CACNA2D1: variants seen among roughly 807,000 people sequenced by gnomAD.
CACNA2D1 encodes voltage-dependent calcium channel subunit alpha-2/delta-1.
In CACNA2D1, 53 loss-of-function variants were observed where a neutral mutation model predicts 171.5. That is an observed-to-expected ratio of 0.31 (90% CI 0.25 to 0.39). CACNA2D1 has a LOEUF of 0.39. Ranked by LOEUF, CACNA2D1 falls within the 10% of genes least tolerant of loss-of-function variation. CACNA2D1 has a pLI of 1.00. For missense variants in CACNA2D1, 903 were observed against 1,299.8 expected (o/e 0.69, Z 4.69); for synonymous variants, 442 against 443.1 (o/e 1.00, Z 0.03).
intron 3 of CACNA2D1, among the ~76,000 whole-genome samples, chr7:82,191,170 G>A (rs530348125): frequency 4.6e-4 from 70 of 151,736 alleles, no homozygotes; most frequent in African/African-American, 1.6e-3. Flanking sequence ...AGAGTTAAGG[G>A]ATCACAAAAT....
At chr7:82,088,022 C>A (rs969237854) in intron 6 of CACNA2D1, among the ~76,000 whole-genome samples, 1 of 152,098 alleles carries the variant, frequency 6.6e-6, no homozygotes, top group African/African-American at 2.4e-5. Flanking sequence ...TGCCCCTTAG[C>A]CCCTATCTCT....
At chr7:82,265,416 CTTTTTT>C (rs765047961) in intron 3 of CACNA2D1, among the ~76,000 whole-genome samples, 131 of 77,308 alleles carry the variant, frequency 1.7e-3, no homozygotes, top group African/African-American at 5.8e-3. Flanking sequence ...TTTTTCCTTT[CTTTTTT>C]TTTTTTTTTT....
intron 3 of CACNA2D1, among the ~76,000 whole-genome samples, chr7:82,210,278 T>C (rs2129223671): frequency 6.6e-6 from 1 of 152,310 alleles, no homozygotes; most frequent in South Asian, 2.1e-4. Context: ...TTATTTGAAG[T>C]ATGCCTCATT....
At chr7:82,315,865 CT>C (rs1437901849) in intron 3 of CACNA2D1, among the ~76,000 whole-genome samples, 1 of 152,020 alleles carries the variant, frequency 6.6e-6, no homozygotes, top group Non-Finnish European at 1.5e-5. Flanking sequence ...TAACTTGATA[CT>C]TTTTTCTTAA....
At chr7:82,176,755 C>T (rs546552845) in intron 3 of CACNA2D1, among the ~76,000 whole-genome samples, 6 of 151,546 alleles carry the variant, frequency 4.0e-5, no homozygotes, top group Admixed American at 6.6e-5. Context: ...TACTAAGGCT[C>T]GTTATATGCA....
chr7:82,278,786 T>C (rs1206422969), intron 3 of CACNA2D1, among the ~76,000 whole-genome samples: 2 of 152,058 alleles, frequency 1.3e-5, no homozygotes, highest in African/African-American at 4.8e-5. Context: ...TTTATTCGAA[T>C]AGAGGATCCA....
At chr7:81,998,146 A>G (rs1798238577) in intron 18 of CACNA2D1, among the ~76,000 whole-genome samples, 1 of 151,992 alleles carries the variant, frequency 6.6e-6, no homozygotes, top group Non-Finnish European at 1.5e-5. Context: ...TTCCTCTATA[A>G]CTTCCTAAGT....
intron 24 of CACNA2D1, among the ~76,000 whole-genome samples, chr7:81,981,939 C>A (rs556111944): frequency 6.6e-6 from 1 of 152,090 alleles, no homozygotes; most frequent in African/African-American, 2.4e-5. Flanking sequence ...TCATTCTACC[C>A]CTACGTGTAT....
chr7:81,986,469 A>G (rs1295907486), intron 21 of CACNA2D1, among the ~76,000 whole-genome samples: 1 of 152,096 alleles, frequency 6.6e-6, no homozygotes, highest in African/African-American at 2.4e-5. Context: ...ATATCCTAAC[A>G]TCATTATATA....
At chr7:81,995,395 C>A (rs1004775191) in intron 19 of CACNA2D1, among the ~76,000 whole-genome samples, 2 of 152,022 alleles carry the variant, frequency 1.3e-5, no homozygotes, top group African/African-American at 4.8e-5. Flanking sequence ...ATTCTTATAT[C>A]TGGGTACCAA....
At chr7:82,404,384 T>C (rs1402969794) in intron 1 of CACNA2D1, among the ~76,000 whole-genome samples, 3 of 152,150 alleles carry the variant, frequency 2.0e-5, no homozygotes, top group Admixed American at 1.3e-4. Context: ...AGATGAACCC[T>C]TTCTTTCCGA....
intron 4 of CACNA2D1, among the ~76,000 whole-genome samples, chr7:82,160,680 C>G (rs1794856107): frequency 6.6e-6 from 1 of 151,924 alleles, no homozygotes; most frequent in Admixed American, 6.6e-5. Context: ...CCTTACGTGG[C>G]CCAGGCTAAT....
chr7:82,443,350 G>C lies in CACNA2D1; in HGVS notation c.95+15C>G, dbSNP rs1248731716. On this transcript the variant is annotated intron_variant, in intron 1 of 38. Coordinates refer to ENST00000356860, the MANE Select transcript of CACNA2D1 (RefSeq NM_000722.4). ...GCCCCTCGGCCGGCGCTCCCTGCCC[G>C]GCCCGCCGACTTACGTGACGGCCGA... The C allele has an allele frequency of 1.9e-6, 3 of 1,587,480 alleles. No individual in the cohort carries two copies. The South Asian group carries it at 3.4e-5, about 18-fold the overall frequency.
At chr7:82,152,877 T>C (rs1487437762) in intron 4 of CACNA2D1, among the ~76,000 whole-genome samples, 1 of 151,960 alleles carries the variant, frequency 6.6e-6, no homozygotes, top group Admixed American at 6.6e-5. Flanking sequence ...CATTGTTCAT[T>C]TAATTTCTCA....
chr7:82,357,778 G>A (rs953694756), intron 1 of CACNA2D1, among the ~76,000 whole-genome samples: 2 of 151,258 alleles, frequency 1.3e-5, no homozygotes, highest in Non-Finnish European at 2.9e-5. Flanking sequence ...CAGTTAATGG[G>A]TGCAGCACAC....
At chr7:82,160,262 T>C (rs1794813577) in intron 4 of CACNA2D1, among the ~76,000 whole-genome samples, 1 of 151,952 alleles carries the variant, frequency 6.6e-6, no homozygotes, top group East Asian at 1.9e-4. Context: ...ATATTCTTAA[T>C]CATACAACAA....
Position 82,427,474 on chromosome 7 carries a change from C to G in CACNA2D1, c.95+15891G>C, listed in dbSNP as rs78298570. Among the ~76,000 whole-genome samples, 636 of 152,216 alleles carry G rather than the reference C, an allele frequency of 4.2e-3. 1 individual carries two copies. The highest frequency in any genetic ancestry group is 0.014 in the Middle Eastern group (4 of 294). On this transcript the variant is annotated intron_variant, in intron 1 of 38. Transcript: ENST00000356860. ...AGAAATTCTTCCTTACAAGATGTTA[C>G]GAAGGTAGGTCTTACATCTAGTTAA... is the stretch of plus-strand genomic sequence containing the variant.
intron 35 of CACNA2D1, 53 bp from the exon 36 acceptor site, chr7:81,962,076 C>T (rs994393001): frequency 1.3e-6 from 2 of 1,566,330 alleles, no homozygotes; most frequent in Admixed American, 3.4e-5. Context: ...GGAGGGGTCT[C>T]TGTAGTCACT....
intron 10 of CACNA2D1, among the ~76,000 whole-genome samples, chr7:82,053,630 A>G (rs996223962): frequency 2.6e-5 from 4 of 152,200 alleles, no homozygotes; most frequent in Admixed American, 1.3e-4. Context: ...AGCTGAAACC[A>G]GTAATACGTA....
Sources: allele counts gnomAD v4.1 joint callset (sites outside exome capture counted in the v4.1 genomes callset), GRCh38; gene constraint gnomAD v4.1.1; transcripts MANE v1.5; gene names NCBI Gene and HGNC (gene_info 2026-07-23, HGNC 2026-07-21).